KCNH1: variants seen among roughly 807,000 people sequenced by gnomAD.
The protein encoded by KCNH1 is voltage-gated delayed rectifier potassium channel KCNH1.
In KCNH1, 27 loss-of-function variants were observed where a neutral mutation model predicts 69.2. The ratio of observed to expected loss-of-function variants is 0.39; its 90% CI spans 0.29 to 0.54. KCNH1 has a LOEUF of 0.54. Ranked by LOEUF, KCNH1 falls within the 20% of genes least tolerant of loss-of-function variation. The pLI, the probability that KCNH1 is intolerant of heterozygous loss-of-function variation, is 0.68. For synonymous variants in KCNH1, 456 were observed against 487.7 expected (o/e 0.93, Z 0.86); for missense variants, 798 against 1,261.6 (o/e 0.63, Z 5.57).
chr1:211,032,577 C>T (rs61848567), intron 5 of KCNH1, among the ~76,000 whole-genome samples: 9,604 of 152,090 alleles, frequency 0.063, 465 homozygotes, highest in South Asian at 0.14. Context: ...TAGACTGATG[C>T]AACAGAACAG....
At chr1:210,880,064 A>G (rs1686463628) in intron 7 of KCNH1, among the ~76,000 whole-genome samples, 1 of 152,186 alleles carries the variant, frequency 6.6e-6, no homozygotes, top group Admixed American at 6.5e-5. Context: ...GAGGAAAACT[A>G]CAAAACTCTT....
chr1:210,967,181 G>A (rs923122734), intron 6 of KCNH1, among the ~76,000 whole-genome samples: 2 of 152,070 alleles, frequency 1.3e-5, no homozygotes, highest in Admixed American at 1.3e-4. Flanking sequence ...CAGGGGTTGG[G>A]GGGCTAGGGG....
intron 6 of KCNH1, among the ~76,000 whole-genome samples, chr1:211,007,014 T>A (rs1689299015): frequency 6.6e-6 from 1 of 152,078 alleles, no homozygotes; most frequent in Non-Finnish European, 1.5e-5. Context: ...TCATGGGCAA[T>A]CCTTATTTCT....
chr1:210,983,769 C>G (rs1001498818), intron 6 of KCNH1, among the ~76,000 whole-genome samples: 3 of 152,002 alleles, frequency 2.0e-5, no homozygotes, highest in African/African-American at 7.3e-5. Context: ...TTTTTTGGTT[C>G]CATATGAACT....
intron 6 of KCNH1, among the ~76,000 whole-genome samples, chr1:210,990,376 C>A (rs1411337940): frequency 6.6e-6 from 1 of 152,178 alleles, no homozygotes; most frequent in African/African-American, 2.4e-5. Context: ...CCCGGAGGGG[C>A]CTGCTGGCCG....
intron 5 of KCNH1, among the ~76,000 whole-genome samples, chr1:211,044,485 T>A (rs1201668927): frequency 1.3e-5 from 2 of 151,798 alleles, no homozygotes. Context: ...ACCCACAGAG[T>A]GGGAGAAAAT....
intron 6 of KCNH1, among the ~76,000 whole-genome samples, chr1:210,954,501 A>G (rs1200725745): frequency 4.6e-5 from 7 of 152,210 alleles, no homozygotes; most frequent in African/African-American, 1.7e-4. Context: ...CAATGGTTGA[A>G]CTAATTTACA....
chr1:210,917,272 AAAG>A lies in KCNH1; in HGVS notation c.1462+2365_1462+2367del, dbSNP rs1466019459. Among the ~76,000 whole-genome samples, 290 of 149,272 alleles carry A rather than the reference AAAG, an allele frequency of 1.9e-3. 1 individual carries two copies. Among genetic ancestry groups the A allele is most frequent in the African/African-American group, 6.7e-3 (267 of 39,578 alleles). On this transcript the variant is annotated intron_variant, in intron 7 of 10. Coordinates refer to ENST00000271751, the MANE Select transcript of KCNH1 (RefSeq NM_172362.3). ...GAAAGAAAGAAAGAAAGAAAGAAAG[AAAG>A]AAAGAAAAGAAAAGAAAGAGAAACA...
chr1:210,705,685 TCTC>T (rs1218686362), intron 10 of KCNH1, among the ~76,000 whole-genome samples: 1 of 152,116 alleles, frequency 6.6e-6, no homozygotes, highest in Non-Finnish European at 1.5e-5. Context: ...AACTCTGAGG[TCTC>T]CTGATCTCTC....
At chr1:210,712,903 C>T (rs1210819962) in intron 10 of KCNH1, among the ~76,000 whole-genome samples, 7 of 152,100 alleles carry the variant, frequency 4.6e-5, no homozygotes, top group Non-Finnish European at 8.8e-5. Context: ...GTTGCCTTTC[C>T]CCACCCCTAG....
intron 6 of KCNH1, among the ~76,000 whole-genome samples, chr1:210,999,420 T>G (rs1463391694): frequency 2.0e-5 from 3 of 152,044 alleles, no homozygotes; most frequent in African/African-American, 7.2e-5. Context: ...TTAGAAGAAA[T>G]GGATAAATTC....
At chr1:210,808,076 T>C (rs1684624009) in intron 7 of KCNH1, among the ~76,000 whole-genome samples, 1 of 152,140 alleles carries the variant, frequency 6.6e-6, no homozygotes, top group Non-Finnish European at 1.5e-5. Context: ...TCCATGCCAA[T>C]AGTGACATGA....
rs545148587 is a variant in KCNH1 at position 211,003,953 on chromosome 1, C to T, written c.1032+14830G>A. On this transcript the variant is annotated intron_variant, in intron 6 of 10. Transcript: ENST00000271751. ...CTAAAAATACAAAAAATTAGCCAGG[C>T]GAGGTGGTGGGCGCCTGTAGTCCCA... Among the ~76,000 whole-genome samples the T allele has an allele frequency of 1.7e-3, 251 of 151,974 alleles. 1 individual carries two copies. Among genetic ancestry groups the T allele is most frequent in the Middle Eastern group, 3.4e-3 (1 of 294 alleles).
chr1:210,887,992 A>G (rs925778647), intron 7 of KCNH1, among the ~76,000 whole-genome samples: 5 of 152,166 alleles, frequency 3.3e-5, no homozygotes, highest in Admixed American at 2.0e-4. Context: ...TGTCAATATT[A>G]GATCAATGAG....
intron 5 of KCNH1, among the ~76,000 whole-genome samples, chr1:211,068,837 G>T (rs182318901): frequency 1.8e-4 from 27 of 152,334 alleles, no homozygotes; most frequent in African/African-American, 4.6e-4. Flanking sequence ...AGGAACCAGT[G>T]CTGGGTAGGA....
rs1214726515 is a variant in KCNH1 at position 210,680,706 on chromosome 1, C to T, written c.*2575G>A. On this transcript the variant is annotated 3_prime_UTR_variant, in exon 11 of 11. Coordinates refer to ENST00000271751, the MANE Select transcript of KCNH1 (RefSeq NM_172362.3). ...AAAGAAAACAATTACAGCAAAAAAT[C>T]CCTCAAATCCTAGGGAGGATTACAG... 10 of 152,302 alleles carry T rather than the reference C, an allele frequency of 6.6e-5. No individual in the cohort carries two copies. Among genetic ancestry groups the T allele is most frequent in the African/African-American group, 2.4e-4 (10 of 41,562 alleles). The allele number at this position is 152,302 out of a possible 1,614,324, so 9.4% of individuals were successfully genotyped here. A position where few individuals can be genotyped will look rare whatever the true frequency, so the allele number is the denominator to read the frequency against.
intron 7 of KCNH1, among the ~76,000 whole-genome samples, chr1:210,874,710 A>T (rs1317563998): frequency 6.6e-6 from 1 of 152,256 alleles, no homozygotes; most frequent in Non-Finnish European, 1.5e-5. Flanking sequence ...ATATTCATAT[A>T]CATATAGCAG....
chr1:211,061,562 G>C (rs1690433735), intron 5 of KCNH1, among the ~76,000 whole-genome samples: 1 of 151,856 alleles, frequency 6.6e-6, no homozygotes, highest in Non-Finnish European at 1.5e-5. Flanking sequence ...CTTAAATTTG[G>C]AAAAAACTAA....
intron 7 of KCNH1, among the ~76,000 whole-genome samples, chr1:210,869,296 A>G (rs968791292): frequency 6.6e-6 from 1 of 152,082 alleles, no homozygotes; most frequent in Non-Finnish European, 1.5e-5. Context: ...CTATGAGTTT[A>G]TAATTTTCAT....
Sources: allele counts gnomAD v4.1 joint callset (sites outside exome capture counted in the v4.1 genomes callset), GRCh38; gene constraint gnomAD v4.1.1; transcripts MANE v1.5; gene names NCBI Gene and HGNC (gene_info 2026-07-23, HGNC 2026-07-21).